The following USP49 variants were observed in gnomAD, a reference collection of about 807,000 sequenced individuals.
USP49 encodes ubiquitin carboxyl-terminal hydrolase 49.
Under a neutral mutation model 58.6 loss-of-function variants are expected in USP49, and 24 were observed. The observed-to-expected ratio is 0.41, with a 90% CI of 0.30 to 0.58. The LOEUF (loss-of-function observed/expected upper bound fraction) is 0.58. USP49 is among the 20% of genes least tolerant of loss of function. USP49 has a pLI of 0.30. For missense variants in USP49, 703 were observed against 866.1 expected, an observed-to-expected ratio of 0.81 and a Z score of 2.36; for synonymous variants, 408 against 365.1, an observed-to-expected ratio of 1.12 and a Z score of -1.34.
chr6:41,864,132 T>C (rs2127356134), intron 3 of USP49, among the ~76,000 whole-genome samples: 1 of 152,258 alleles, frequency 6.6e-6, no homozygotes, highest in South Asian at 2.1e-4. Context: ...ACACAATTCT[T>C]AGTATTTTGC....
chr6:41,796,324 T>G lies in USP49; in HGVS notation c.*209A>C. The G allele has an allele frequency of 2.0e-6, 1 of 498,232 alleles. No individual in the cohort carries two copies. 30.9% of individuals were successfully genotyped at this position (498,232 alleles called of 1,614,324 possible). On this transcript the variant is annotated 3_prime_UTR_variant, in exon 8 of 8. Coordinates refer to ENST00000682992, the MANE Select transcript of USP49 (RefSeq NM_001286554.2). ...GGATCTTCATAGAAGTTACTTCTTTTGTTTTTAGGAAAGGAGGGAACTCCC... is the reference window on the plus strand; with the variant it reads ...GGATCTTCATAGAAGTTACTTCTTTGGTTTTTAGGAAAGGAGGGAACTCCC...
At chr6:41,868,464 A>T (rs1582031566) in intron 3 of USP49, among the ~76,000 whole-genome samples, 1 of 151,866 alleles carries the variant, frequency 6.6e-6, no homozygotes, top group East Asian at 1.9e-4. Flanking sequence ...AGTAGCTGGG[A>T]TTACAGGCAC....
chr6:41,850,609 CTTT>C (rs1392306401), intron 3 of USP49, among the ~76,000 whole-genome samples: 1 of 141,296 alleles, frequency 7.1e-6, no homozygotes, highest in Non-Finnish European at 1.6e-5. Flanking sequence ...TGGATAAATT[CTTT>C]TTTTTTTTTT....
Position 41,798,703 on chromosome 6 carries a change from C to T in USP49, c.1876+21G>A, listed in dbSNP as rs148554454. 537 of 1,613,888 alleles carry T rather than the reference C, an allele frequency of 3.3e-4. 1 individual carries two copies. The African/African-American group carries it at 6.3e-3, about 19-fold the overall frequency. On this transcript the variant is annotated intron_variant, in intron 7 of 7. Coordinates refer to ENST00000682992, the MANE Select transcript of USP49 (RefSeq NM_001286554.2). The stretch of plus-strand genomic sequence containing the variant: ...CAACCCCTTTCCGTGTCCCCCACCC[C>T]ACAGAGTAAAGCGCACGCACCTCCC...
At chr6:41,809,732 C>T (rs1426012437) in intron 3 of USP49, among the ~76,000 whole-genome samples, 3 of 152,096 alleles carry the variant, frequency 2.0e-5, no homozygotes, top group Non-Finnish European at 2.9e-5. Context: ...GAGGCTGAGG[C>T]AGGAGAATGG....
chr6:41,855,038 T>C (rs1774101332), intron 3 of USP49, among the ~76,000 whole-genome samples: 1 of 151,906 alleles, frequency 6.6e-6, no homozygotes, highest in Non-Finnish European at 1.5e-5. Flanking sequence ...CCTCCCAAAG[T>C]GCTGGGATTA....
Position 41,805,734 on chromosome 6 carries a change from G to C in USP49, c.1250C>G (p.Ser417Cys), listed in dbSNP as rs1168030286. The change falls in exon 4 of 8, where the codon TCT becomes TGT. Residue 417 changes from serine to cysteine, a missense_variant. Physicochemically the swap from Ser to Cys is moderately radical, Grantham distance 112. Transcript: ENST00000682992. ...LLHKVQQELESEGTTRRILIP... is the reference protein window; with the variant it reads ...LLHKVQQELECEGTTRRILIP... ...GAGGATCCGGCGTGTGGTGCCCTCA[G>C]ACTCGAGTTCCTGCTGCACCTTGTG... The C allele has an allele frequency of 6.2e-7, 1 of 1,614,148 alleles. No individual in the cohort carries two copies. Among genetic ancestry groups the C allele is most frequent in the Non-Finnish European group, 8.5e-7 (1 of 1,180,028 alleles).
intron 3 of USP49, among the ~76,000 whole-genome samples, chr6:41,870,485 T>TA (rs1026917816): frequency 6.6e-6 from 1 of 152,166 alleles, no homozygotes; most frequent in Non-Finnish European, 1.5e-5. Flanking sequence ...CTTGCATAAT[T>TA]AAAAAAACTT....
At chr6:41,809,574 C>A (rs1773208651) in intron 3 of USP49, among the ~76,000 whole-genome samples, 1 of 151,054 alleles carries the variant, frequency 6.6e-6, no homozygotes, top group African/African-American at 2.4e-5. Flanking sequence ...CACCTGTAAT[C>A]CTAGCACTTT....
chr6:41,894,295 T>TA (rs1400613440), intron 1 of USP49: 2 of 152,412 alleles, frequency 1.3e-5, no homozygotes, highest in Non-Finnish European at 2.9e-5. Flanking sequence ...CATCACTTCT[T>TA]ACACCCTAAC....
intron 4 of USP49, among the ~76,000 whole-genome samples, chr6:41,804,863 C>T (rs910786070): frequency 2.0e-5 from 3 of 152,228 alleles, no homozygotes; most frequent in Admixed American, 2.0e-4. Context: ...ATTCTCCTGC[C>T]TCAGCCTCCC....
intron 3 of USP49, among the ~76,000 whole-genome samples, chr6:41,823,570 T>C (rs752408380): frequency 9.2e-5 from 14 of 152,118 alleles, no homozygotes; most frequent in Non-Finnish European, 1.8e-4. Flanking sequence ...AGAGTGGCAA[T>C]ACAGCAGAGC....
At chr6:41,814,259 T>G (rs1481292758) in intron 3 of USP49, among the ~76,000 whole-genome samples, 1 of 152,214 alleles carries the variant, frequency 6.6e-6, no homozygotes, top group African/African-American at 2.4e-5. Context: ...CTTTTGCCTT[T>G]TTAATTGCCA....
At position 41,795,997 on chromosome 6, in the gene USP49, G is replaced by T. The variant is rs1315823927; in HGVS notation, c.*536C>A. 1 of 152,342 alleles carries T rather than the reference G, an allele frequency of 6.6e-6. No individual in the cohort carries two copies. Among genetic ancestry groups the T allele is most frequent in the African/African-American group, 2.4e-5 (1 of 41,444 alleles). 9.4% of individuals were successfully genotyped at this position (152,342 alleles called of 1,614,324 possible). A position where few individuals can be genotyped will look rare whatever the true frequency, so the allele number is the denominator to read the frequency against. ...TCAGCTGCTATCCCCAAAAAAGGAA[G>T]TTTGTTTTAAACCCTTGAAGGTTAC... On this transcript the variant is annotated 3_prime_UTR_variant, in exon 8 of 8. Transcript: ENST00000682992.
intron 3 of USP49, among the ~76,000 whole-genome samples, chr6:41,825,592 T>C (rs569500620): frequency 2.0e-5 from 3 of 152,236 alleles, no homozygotes; most frequent in African/African-American, 7.2e-5. Context: ...CCTTAGCAAA[T>C]ATTCAATAAT....
chr6:41,799,287 G>A (rs1176294648), intron 6 of USP49, among the ~76,000 whole-genome samples: 5 of 151,868 alleles, frequency 3.3e-5, no homozygotes, highest in African/African-American at 7.3e-5. Context: ...TGCATTTTTT[G>A]TAGAGACAGG....
In USP49 at chr6:41,803,950, G is replaced by A. The variant is rs1773064216; in HGVS notation, c.1417C>T (p.Leu473=). Residue 473 remains leucine (L), a synonymous_variant, in exon 5 of 8, where the codon CTG becomes TTG. Coordinates refer to ENST00000682992, the MANE Select transcript of USP49 (RefSeq NM_001286554.2). This position sits in a 1 kb window ranked among gnomAD's most constrained non-coding sequence, Gnocchi z 4.1. The stretch of plus-strand genomic sequence containing the variant: ...CAGTGATAGCGTTCAGGGAATTCCA[G>A]GGATAGGTCCCAAAAGGGCTCAATG... ...NTIEPFWDLS[L]EFPERYHCIE... is the part of the protein sequence containing the mutation. The A allele has an allele frequency of 1.5e-5, 24 of 1,614,010 alleles. No individual in the cohort carries two copies. The highest frequency in any genetic ancestry group is 1.9e-5 in the Non-Finnish European group (23 of 1,180,042).
intron 2 of USP49, among the ~76,000 whole-genome samples, chr6:41,891,351 CAAAT>C (rs1774807403): frequency 6.6e-6 from 1 of 152,120 alleles, no homozygotes; most frequent in Non-Finnish European, 1.5e-5. Flanking sequence ...AGATAATTAC[CAAAT>C]AAATAGTTGT....
At chr6:41,856,294 G>T (rs1019033536) in intron 3 of USP49, among the ~76,000 whole-genome samples, 3 of 151,126 alleles carry the variant, frequency 2.0e-5, no homozygotes, top group Admixed American at 1.3e-4. Flanking sequence ...AGAATGGCGT[G>T]AACTCGGGAG....
Sources: allele counts gnomAD v4.1 joint callset (sites outside exome capture counted in the v4.1 genomes callset), GRCh38; gene constraint gnomAD v4.1.1; non-coding constraint Gnocchi (gnomAD v3.1); transcripts MANE v1.5; gene names NCBI Gene and HGNC (gene_info 2026-07-23, HGNC 2026-07-21).